The following ZMAT1 variants were observed in gnomAD, a reference collection of about 807,000 sequenced individuals.
The protein encoded by ZMAT1 is zinc finger matrin-type protein 1.
Under a neutral mutation model 18.5 loss-of-function variants are expected in ZMAT1, and 11 were observed. That is an observed-to-expected ratio of 0.59 (90% CI 0.37 to 0.98). ZMAT1 has a LOEUF of 0.98. Among genes scored for constraint, ZMAT1 ranks in the 50% least tolerant of loss-of-function variants. ZMAT1 has a pLI of 0.01. For missense variants in ZMAT1, 525 were observed against 496.2 expected, an observed-to-expected ratio of 1.06 and a Z score of -0.55; for synonymous variants, 211 against 176.4, an observed-to-expected ratio of 1.20 and a Z score of -1.55.
At chrX:101,911,777 C>T (rs1470373080) in intron 1 of ZMAT1, 22 of 1,207,079 alleles carry the variant, frequency 1.8e-5, no homozygotes, top group Non-Finnish European at 2.2e-5. Context: ...AGCCTTCGGC[C>T]AGAGCTCCCG....
chrX:101,916,775 G>T (rs913428471), intron 1 of ZMAT1, among the ~76,000 whole-genome samples: 6 of 111,447 alleles, frequency 5.4e-5, no homozygotes, highest in African/African-American at 1.6e-4. Flanking sequence ...TTCCTCCATT[G>T]CCTGACTTCA....
intron 2 of ZMAT1, among the ~76,000 whole-genome samples, chrX:101,900,037 G>C (rs1336114379): frequency 8.9e-6 from 1 of 111,803 alleles, no homozygotes; most frequent in Non-Finnish European, 1.9e-5. Context: ...GTTTTGATTT[G>C]CATTTCCTTG....
In ZMAT1 at chrX:101,897,877, G is replaced by T; in HGVS notation, c.667C>A (p.Pro223Thr). The T allele has an allele frequency of 8.3e-7, 1 of 1,210,023 alleles. No individual in the cohort carries two copies. The highest frequency in any genetic ancestry group is 1.8e-5 in the South Asian group (1 of 56,651). ...GTGAATGGAACCTTACCCATCTCTG[G>T]TTGAAATCCTGATGGAGATGCCTGA... ...HDQASPSGFQPEMAFSMRTYV... is the reference protein window; with the variant it reads ...HDQASPSGFQTEMAFSMRTYV... Residue 223 changes from proline (P) to threonine (T), a missense_variant, in exon 4 of 6, where the codon CCA becomes ACA. Pro to Thr is a conservative substitution (Grantham distance 38). Transcript: ENST00000651725.
At chrX:101,921,857 G>A (rs1410763048) in intron 1 of ZMAT1, among the ~76,000 whole-genome samples, 1 of 110,962 alleles carries the variant, frequency 9.0e-6, no homozygotes, top group Admixed American at 9.6e-5. Flanking sequence ...TATTAATACA[G>A]TCTACAATAG....
chrX:101,916,186 A>C (rs1204741899), intron 1 of ZMAT1, among the ~76,000 whole-genome samples: 1 of 104,323 alleles, frequency 9.6e-6, no homozygotes, highest in African/African-American at 3.4e-5. Flanking sequence ...TGGGAGTTGA[A>C]TAATGAGAAC....
chrX:101,930,025 T>C (rs1441716375), intron 1 of ZMAT1, among the ~76,000 whole-genome samples: 1 of 112,250 alleles, frequency 8.9e-6, no homozygotes, highest in Admixed American at 9.4e-5. Flanking sequence ...GCTCCTCATT[T>C]TACTGCCTAC....
intron 1 of ZMAT1, among the ~76,000 whole-genome samples, chrX:101,921,036 AG>A (rs760345946): frequency 9.0e-6 from 1 of 110,990 alleles, no homozygotes; most frequent in African/African-American, 3.3e-5. Context: ...AAAAAAAAAA[AG>A]GATATATAAA....
intron 1 of ZMAT1, among the ~76,000 whole-genome samples, chrX:101,922,901 A>G (rs1264951950): frequency 8.9e-6 from 1 of 111,847 alleles, no homozygotes; most frequent in Admixed American, 9.5e-5. Flanking sequence ...TCAGGGTGAC[A>G]GCTTAGAGGA....
At chrX:101,900,786 C>A (rs1473889416) in intron 2 of ZMAT1, among the ~76,000 whole-genome samples, 1 of 111,412 alleles carries the variant, frequency 9.0e-6, no homozygotes, top group Non-Finnish European at 1.9e-5. Flanking sequence ...GCTATGTGGG[C>A]TCTTTTTTGG....
At chrX:101,909,983 G>A (rs1270504343) in intron 1 of ZMAT1, among the ~76,000 whole-genome samples, 1 of 112,468 alleles carries the variant, frequency 8.9e-6, no homozygotes, top group East Asian at 2.8e-4. Flanking sequence ...TCAGCTCTGT[G>A]CTGGCTTCAG....
chrX:101,894,342 C>T (rs1927644882), intron 4 of ZMAT1: 8 of 612,462 alleles, frequency 1.3e-5, no homozygotes, highest in Non-Finnish European at 1.4e-5. Context: ...ATGTGGGAAG[C>T]GCAGGGCTGG....
At chrX:101,901,883 T>A in intron 2 of ZMAT1, among the ~76,000 whole-genome samples, 1 of 112,281 alleles carries the variant, frequency 8.9e-6, no homozygotes, top group Non-Finnish European at 1.9e-5. Flanking sequence ...CTACTCCATA[T>A]GCTACCTATC....
At chrX:101,910,059 T>G (rs750447055) in intron 1 of ZMAT1, among the ~76,000 whole-genome samples, 9 of 112,450 alleles carry the variant, frequency 8.0e-5, no homozygotes, top group Non-Finnish European at 1.3e-4. Flanking sequence ...ATCCCCTGAT[T>G]TAGGTGACTC....
intron 1 of ZMAT1, among the ~76,000 whole-genome samples, chrX:101,910,432 G>A (rs1474744580): frequency 8.9e-6 from 1 of 112,535 alleles, no homozygotes; most frequent in Non-Finnish European, 1.9e-5. Flanking sequence ...AACTTAAAAA[G>A]GCACCAGGGA....
At chrX:101,931,354 CCTCT>C (rs1293929957) in intron 1 of ZMAT1, 1 of 626,387 alleles carries the variant, frequency 1.6e-6, no homozygotes, top group African/African-American at 2.5e-5. Context: ...TATCTTGCCT[CCTCT>C]CTCTTCCAAA....
intron 1 of ZMAT1, chrX:101,911,779 G>A (rs1413996197): frequency 2.5e-6 from 3 of 1,206,819 alleles, no homozygotes; most frequent in Non-Finnish European, 3.4e-6. Context: ...CCTTCGGCCA[G>A]AGCTCCCGTC....
At chrX:101,892,713 C>T in intron 4 of ZMAT1, 2 of 747,468 alleles carry the variant, frequency 2.7e-6, no homozygotes, top group Non-Finnish European at 3.2e-6. Flanking sequence ...ACTTTAGTTC[C>T]ATATCGTTAT....
rs140427842 is a variant in ZMAT1 at position 101,913,534 on chromosome X, A to G, written c.293-9204T>C. Among the ~76,000 whole-genome samples the G allele has an allele frequency of 5.0e-3, 558 of 111,866 alleles. 3 individuals are homozygous for G. Among genetic ancestry groups the G allele is most frequent in the African/African-American group, 0.016 (508 of 30,817 alleles). Reference sequence around the variant, plus strand: ...ATGAAACTAAAACAGAACAGGAGTCACTATACTTAGATCAGACAAAATTGA... The same window carrying G: ...ATGAAACTAAAACAGAACAGGAGTCGCTATACTTAGATCAGACAAAATTGA... On this transcript the variant is annotated intron_variant, in intron 1 of 5. Coordinates refer to ENST00000651725, the MANE Select transcript of ZMAT1 (RefSeq NM_001394560.1).
At position 101,883,470 on chromosome X, in the gene ZMAT1, T is replaced by C. The variant is rs759172778; in HGVS notation, c.*40A>G. 2.8e-6 allele frequency: 3 copies of C among 1,075,291 alleles called. No individual in the cohort carries two copies. The Admixed American group carries it at 9.2e-5, about 33-fold the overall frequency. 88.6% of individuals were successfully genotyped at this position (1,075,291 alleles called of 1,213,427 possible). ...TTTTCTAAATCCATATTGACTGTTT[T>C]TTTTTTTCAATTCAACCTTGGGTAA... On this transcript the variant is annotated 3_prime_UTR_variant, in exon 6 of 6. Transcript: ENST00000651725.
Sources: allele counts gnomAD v4.1 joint callset (sites outside exome capture counted in the v4.1 genomes callset), GRCh38; gene constraint gnomAD v4.1.1; transcripts MANE v1.5; gene names NCBI Gene and HGNC (gene_info 2026-07-23, HGNC 2026-07-21).